Variants in SCN1A observed in about 807,000 individuals in gnomAD.
SCN1A encodes sodium channel protein type 1 subunit alpha.
A neutral mutation model predicts 193.7 loss-of-function variants in SCN1A; 13 were observed. The ratio of observed to expected loss-of-function variants is 0.07; its 90% CI spans 0.04 to 0.11. The LOEUF (loss-of-function observed/expected upper bound fraction) is 0.11. SCN1A is among the 10% of genes least tolerant of loss of function. The pLI, the probability that SCN1A is intolerant of heterozygous loss-of-function variation, is 1.00. For missense variants in SCN1A, 1,432 were observed against 2,451.1 expected (o/e 0.58, Z 8.78); for synonymous variants, 781 against 843.6 (o/e 0.93, Z 1.29).
At chr2:166,013,291 A>C (rs540680553) in intron 21 of SCN1A, among the ~76,000 whole-genome samples, 13 of 151,586 alleles carry the variant, frequency 8.6e-5, no homozygotes, top group Non-Finnish European at 1.2e-4. Flanking sequence ...AATAGTGAGC[A>C]CACAATTGGA....
intron 3 of SCN1A, among the ~76,000 whole-genome samples, chr2:166,075,707 G>A (rs1180638611): frequency 6.6e-6 from 1 of 151,834 alleles, no homozygotes; most frequent in African/African-American, 2.4e-5. Flanking sequence ...GGTAGACTTG[G>A]CTTTGTACAG....
intron 19 of SCN1A, among the ~76,000 whole-genome samples, chr2:166,024,022 C>T (rs185398148): frequency 6.6e-6 from 1 of 152,200 alleles, no homozygotes; most frequent in Non-Finnish European, 1.5e-5. Flanking sequence ...GGTGATCCAC[C>T]TACCTCAGCC....
chr2:166,045,468 A>G lies in SCN1A; in HGVS notation c.1378-141T>C, dbSNP rs577374876. Reference sequence around the variant, plus strand: ...CTCACAGAGAAGATTCTCTGCAAGTATAAGAGGAGATTTTTTTTTTCTTTC... The same window carrying G: ...CTCACAGAGAAGATTCTCTGCAAGTGTAAGAGGAGATTTTTTTTTTCTTTC... On this transcript the variant is annotated intron_variant, in intron 12 of 28. Transcript: ENST00000674923. The G allele has an allele frequency of 1.0e-4, 97 of 926,826 alleles. 1 individual carries two copies. The African/African-American group carries it at 1.4e-3, about 13-fold the overall frequency. 57.4% of individuals were successfully genotyped at this position (926,826 alleles called of 1,614,324 possible). A position where few individuals can be genotyped will look rare whatever the true frequency, so the allele number is the denominator to read the frequency against.
chr2:166,114,235 G>A (rs1689610072), intron 2 of SCN1A, among the ~76,000 whole-genome samples: 2 of 152,166 alleles, frequency 1.3e-5, no homozygotes, highest in Non-Finnish European at 2.9e-5. Flanking sequence ...TTTTCAGAGA[G>A]TTGTTCAATG....
At chr2:166,016,943 C>T (rs1397717768) in intron 19 of SCN1A, among the ~76,000 whole-genome samples, 1 of 150,700 alleles carries the variant, frequency 6.6e-6, no homozygotes, top group Non-Finnish European at 1.5e-5. Flanking sequence ...GTTGATATTT[C>T]AGTAAAAGTT....
At chr2:166,109,086 G>A (rs1475394187) in intron 2 of SCN1A, among the ~76,000 whole-genome samples, 2 of 152,088 alleles carry the variant, frequency 1.3e-5, no homozygotes, top group South Asian at 4.1e-4. Flanking sequence ...AAAAATTACA[G>A]CATTTGATTA....
intron 2 of SCN1A, among the ~76,000 whole-genome samples, chr2:166,122,615 A>ATT (rs1479433180): frequency 1.3e-5 from 2 of 152,150 alleles, no homozygotes; most frequent in Non-Finnish European, 2.9e-5. Context: ...TAATAAGACA[A>ATT]TTCACCGGGG....
intron 2 of SCN1A, among the ~76,000 whole-genome samples, chr2:166,097,729 A>G (rs1433798475): frequency 1.3e-5 from 2 of 152,130 alleles, no homozygotes; most frequent in Non-Finnish European, 2.9e-5. Flanking sequence ...ACAGATGTGT[A>G]TCACCTGACC....
At chr2:166,030,783 T>G (rs1267390595) in intron 19 of SCN1A, among the ~76,000 whole-genome samples, 1 of 152,026 alleles carries the variant, frequency 6.6e-6, no homozygotes, top group East Asian at 1.9e-4. Flanking sequence ...CCTCAAAAAA[T>G]TATTGGGCAA....
At chr2:165,993,208 TGTGAGA>T (rs1290080992) in intron 28 of SCN1A, 248 of 141,630 alleles carry the variant, frequency 1.8e-3, no homozygotes, top group Middle Eastern at 0.014. Flanking sequence ...TGTGTGTGTG[TGTGAGA>T]GAGAGAGAGA....
rs60971346 is a variant in SCN1A, at chr2:166,034,112, A to AT, written c.3429+1935dup. Among the ~76,000 whole-genome samples, 199 of 151,586 alleles carry AT rather than the reference A, an allele frequency of 1.3e-3. 2 individuals are homozygous for AT. The highest frequency in any genetic ancestry group is 6.8e-3 in the East Asian group (35 of 5,144). ...CCACAATATTTGATAAAAACAGTCT[A>AT]TTTTTTTTTTGTCCTGAATCTATTT... On this transcript the variant is annotated intron_variant, in intron 19 of 28. Coordinates refer to ENST00000674923, the MANE Select transcript of SCN1A (RefSeq NM_001165963.4).
chr2:166,078,223 A>C (rs923941412), intron 2 of SCN1A, among the ~76,000 whole-genome samples: 6 of 151,782 alleles, frequency 4.0e-5, no homozygotes, highest in African/African-American at 1.4e-4. Context: ...CAATACCTAA[A>C]CACTGTCTCT....
At chr2:166,141,472 G>T (rs933373881) in intron 1 of SCN1A, among the ~76,000 whole-genome samples, 12 of 152,132 alleles carry the variant, frequency 7.9e-5, no homozygotes, top group Admixed American at 5.9e-4. Context: ...TGGGAGGATT[G>T]CTTGGGGCCA....
intron 4 of SCN1A, among the ~76,000 whole-genome samples, chr2:166,065,035 T>C (rs1683691649): frequency 6.6e-6 from 1 of 152,226 alleles, no homozygotes; most frequent in South Asian, 2.1e-4. Context: ...GAACATATAT[T>C]CTCACAGATA....
At chr2:166,140,292 A>G (rs1207930857) in intron 1 of SCN1A, among the ~76,000 whole-genome samples, 4 of 152,244 alleles carry the variant, frequency 2.6e-5, no homozygotes, top group African/African-American at 9.6e-5. Context: ...GCAAACAAAC[A>G]GAAGACAATA....
chr2:166,022,118 C>G (rs1694153964), intron 19 of SCN1A, among the ~76,000 whole-genome samples: 1 of 151,340 alleles, frequency 6.6e-6, no homozygotes, highest in African/African-American at 2.4e-5. Flanking sequence ...ATTGGAAAAC[C>G]ATAATTGAAT....
chr2:166,129,116 G>A (rs1380455697), upstream of SCN1A, among the ~76,000 whole-genome samples: 4 of 151,898 alleles, frequency 2.6e-5, no homozygotes, highest in African/African-American at 9.7e-5. Flanking sequence ...TTACAGGATG[G>A]TGAGATAAAT....
intron 19 of SCN1A, among the ~76,000 whole-genome samples, chr2:166,024,277 A>G (rs1334706023): frequency 6.6e-6 from 1 of 152,134 alleles, no homozygotes; most frequent in African/African-American, 2.4e-5. Context: ...TCCTGTGATC[A>G]TCTCTGACCA....
chr2:166,058,438 T>C, intron 5 of SCN1A, 132 bp downstream of exon 5: 1 of 575,090 alleles, frequency 1.7e-6, no homozygotes, highest in East Asian at 2.9e-5. Context: ...GAGGCTAATA[T>C]GACAAAGATG....
Sources: allele counts gnomAD v4.1 joint callset (sites outside exome capture counted in the v4.1 genomes callset), GRCh38; gene constraint gnomAD v4.1.1; transcripts MANE v1.5; gene names NCBI Gene and HGNC (gene_info 2026-07-23, HGNC 2026-07-21).